The following ZCCHC4 variants were observed in gnomAD, a reference collection of about 807,000 sequenced individuals.
The protein encoded by ZCCHC4 is zinc finger CCHC-type containing 4.
A neutral mutation model predicts 67.7 loss-of-function variants in ZCCHC4; 54 were observed. The ratio of observed to expected loss-of-function variants is 0.80; its 90% confidence interval spans 0.64 to 1.00. ZCCHC4 has a LOEUF of 1.00. Among genes scored for constraint, ZCCHC4 ranks in the 50% least tolerant of loss-of-function variants. The pLI, the probability that ZCCHC4 is intolerant of heterozygous loss-of-function variation, is 0.00. For synonymous variants in ZCCHC4, 198 were observed against 213.5 expected (o/e 0.93, Z 0.63); for missense variants, 609 against 617.0 (o/e 0.99, Z 0.14).
chr4:25,353,216 T>G (rs1030797166), intron 8 of ZCCHC4, among the ~76,000 whole-genome samples: 1 of 150,840 alleles, frequency 6.6e-6, no homozygotes, highest in Admixed American at 6.6e-5. Flanking sequence ...TTTATGCATA[T>G]AATTTTTTCA....
chr4:25,345,413 TGCAAA>T, intron 5 of ZCCHC4, 130 bp from the exon 6 acceptor site: 1 of 632,094 alleles, frequency 1.6e-6, no homozygotes, highest in African/African-American at 1.9e-5. Context: ...CTGAAATTTT[TGCAAA>T]TTATTCTTTA....
At chr4:25,335,398 A>C (rs1481208760) in intron 5 of ZCCHC4, among the ~76,000 whole-genome samples, 3 of 152,154 alleles carry the variant, frequency 2.0e-5, no homozygotes, top group Non-Finnish European at 4.4e-5. Flanking sequence ...CAGTGAGCTG[A>C]GTTCACGTAA....
chr4:25,330,013 A>T (rs1024996754), intron 3 of ZCCHC4, among the ~76,000 whole-genome samples: 3 of 151,434 alleles, frequency 2.0e-5, no homozygotes, highest in African/African-American at 7.3e-5. Context: ...CTTTTTTGAG[A>T]CAAATTTTCA....
At chr4:25,347,913 G>T (rs1317067456) in intron 6 of ZCCHC4, among the ~76,000 whole-genome samples, 1 of 152,150 alleles carries the variant, frequency 6.6e-6, no homozygotes, top group Non-Finnish European at 1.5e-5. Context: ...TGTCAACATT[G>T]TAAGCAAGTA....
intron 7 of ZCCHC4, among the ~76,000 whole-genome samples, chr4:25,350,693 T>C (rs1720262596): frequency 6.6e-6 from 1 of 152,226 alleles, no homozygotes; most frequent in South Asian, 2.1e-4. Context: ...AATAGTGCTT[T>C]GAGGGACAAT....
At chr4:25,332,559 T>C (rs1719238545) in intron 3 of ZCCHC4, among the ~76,000 whole-genome samples, 1 of 152,116 alleles carries the variant, frequency 6.6e-6, no homozygotes, top group Non-Finnish European at 1.5e-5. Context: ...AAAAAAGAAA[T>C]GGTGACTTTG....
chr4:25,362,102 A>C, intron 9 of ZCCHC4, 122 bp downstream of exon 9: 1 of 1,442,714 alleles, frequency 6.9e-7, no homozygotes, highest in Non-Finnish European at 9.4e-7. Flanking sequence ...AATTAGGTCC[A>C]TAATTTCATA....
chr4:25,344,788 A>AC (rs1719925914), intron 5 of ZCCHC4, among the ~76,000 whole-genome samples: 1 of 151,432 alleles, frequency 6.6e-6, no homozygotes, highest in Non-Finnish European at 1.5e-5. Context: ...CGTTAGACAA[A>AC]AAAAAAAATT....
chr4:25,369,073 T>A lies in ZCCHC4; in HGVS notation c.1451T>A (p.Met484Lys), dbSNP rs1251174655. 6.2e-7 allele frequency: 1 copy of A among 1,613,328 alleles called. No individual in the cohort carries two copies. The highest frequency in any genetic ancestry group is 1.7e-4 in the Middle Eastern group (1 of 6,060). ...QKQRKSNKMK[M>K]ETTKGQSMNH... ...CAAAGAAAAAGTAATAAGATGAAAA[T>A]GGAGACCACGAAAGGACAATCCATG... The change falls in exon 13 of 13, where the codon ATG (methionine) becomes AAG (lysine). Residue 484 changes from methionine to lysine, a missense_variant. Transcript: ENST00000302874.
At position 25,368,401 on chromosome 4, in the gene ZCCHC4, T is replaced by C. The variant is rs80264504; in HGVS notation, c.1407-628T>C. ...TGGAGAACACCAGAAACAAAGAATC[T>C]GTTTTGTCTGGTGTGGTTCAGTGTT... On this transcript the variant is annotated intron_variant, in intron 12 of 12. Transcript: ENST00000302874. Among the ~76,000 whole-genome samples the C allele has an allele frequency of 5.8e-3, 888 of 152,306 alleles. 10 individuals are homozygous for C. Among genetic ancestry groups the C allele is most frequent in the Middle Eastern group, 0.024 (7 of 294 alleles).
At chr4:25,361,640 C>A in intron 8 of ZCCHC4, 1 of 496,308 alleles carries the variant, frequency 2.0e-6, no homozygotes, top group South Asian at 3.1e-5. Context: ...GAGAAAAAGC[C>A]ATGTCGAAAC....
intron 8 of ZCCHC4, among the ~76,000 whole-genome samples, chr4:25,360,836 C>T (rs1182385248): frequency 6.6e-6 from 1 of 152,184 alleles, no homozygotes; most frequent in Non-Finnish European, 1.5e-5. Context: ...AGCCAAGGTG[C>T]TACTGCTGCC....
Position 25,333,411 on chromosome 4 carries a change from A to T in ZCCHC4, c.558A>T (p.Leu186Phe). 2 of 1,614,210 alleles carry T rather than the reference A, an allele frequency of 1.2e-6. No homozygotes were observed. The highest frequency in any genetic ancestry group is 1.7e-6 in the Non-Finnish European group (2 of 1,180,030). ...ADRSCQFLVD[L>F]LSALGFRRVL... ...GGAGCTGTCAGTTCTTGGTAGACTT[A>T]CTTTCTGCCCTCGGATTCAGAAGAG... Residue 186 changes from leucine (L) to phenylalanine (F), a missense_variant, in exon 4 of 13, where the codon TTA (leucine) becomes TTT (phenylalanine). Transcript: ENST00000302874.
chr4:25,353,624 T>C (rs1384277251), intron 8 of ZCCHC4, among the ~76,000 whole-genome samples: 1 of 152,200 alleles, frequency 6.6e-6, no homozygotes, highest in Non-Finnish European at 1.5e-5. Flanking sequence ...CATGTATATG[T>C]CAAATGGATA....
chr4:25,344,802 A>G (rs188220319), intron 5 of ZCCHC4, among the ~76,000 whole-genome samples: 12 of 150,050 alleles, frequency 8.0e-5, no homozygotes, highest in Admixed American at 6.0e-4. Flanking sequence ...AAAAATTTGT[A>G]TTACTTTTTT....
chr4:25,366,199 A>G (rs993431801), intron 12 of ZCCHC4: 19 of 972,032 alleles, frequency 2.0e-5, no homozygotes, highest in African/African-American at 3.5e-5. Flanking sequence ...AATTCTGGCT[A>G]CTATTACAAC....
At chr4:25,365,298 G>A in intron 12 of ZCCHC4, 132 bp downstream of exon 12, 1 of 1,450,394 alleles carries the variant, frequency 6.9e-7, no homozygotes, top group South Asian at 1.5e-5. Context: ...AGTACTGGCT[G>A]CATAGATGGA....
At chr4:25,337,045 T>C (rs1479700727) in intron 5 of ZCCHC4, among the ~76,000 whole-genome samples, 1 of 152,232 alleles carries the variant, frequency 6.6e-6, no homozygotes, top group Non-Finnish European at 1.5e-5. Flanking sequence ...TATGCCTTTC[T>C]CATATAGTCA....
Position 25,315,368 on chromosome 4 carries a change from G to C in ZCCHC4, c.297G>C (p.Gln99His). 6.2e-7 allele frequency: 1 copy of C among 1,613,224 alleles called. No homozygotes were observed. Among genetic ancestry groups the C allele is most frequent in the Non-Finnish European group, 8.5e-7 (1 of 1,179,480 alleles). The change falls in exon 3 of 13, where the codon CAG (glutamine) becomes CAC (histidine). Residue 99 changes from glutamine to histidine, a missense_variant. By Grantham distance (24) the Gln-to-His change is conservative. Transcript: ENST00000302874. ...AAREAHNRRCQPPLSRTQCVE... is the reference protein window; with the variant it reads ...AAREAHNRRCHPPLSRTQCVE... ...GAGAAGCTCATAACCGAAGATGTCA[G>C]CCTCCCCTGTCCCGAACGCAGTGTG...
Sources: gnomAD v4.1 joint callset for allele counts (sites outside exome capture counted in the v4.1 genomes callset) on GRCh38, gnomAD v4.1.1 for gene constraint, MANE v1.5 for transcripts, NCBI Gene and HGNC (gene_info 2026-07-23, HGNC 2026-07-21) for gene names.